Variants in ARHGAP19 observed in about 807,000 individuals in gnomAD.
ARHGAP19 encodes the protein rho GTPase-activating protein 19.
A neutral mutation model predicts 60.9 loss-of-function variants in ARHGAP19; 48 were observed. The observed-to-expected ratio is 0.79, with a 90% CI of 0.62 to 1.00. ARHGAP19 has a LOEUF of 1.00. Ranked by LOEUF, ARHGAP19 falls within the 50% of genes least tolerant of loss-of-function variation. The pLI, the probability that ARHGAP19 is intolerant of heterozygous loss-of-function variation, is 0.00. For missense variants in ARHGAP19, 562 were observed against 597.2 expected (o/e 0.94, Z 0.61); for synonymous variants, 209 against 215.5 (o/e 0.97, Z 0.27).
intron 1 of ARHGAP19, among the ~76,000 whole-genome samples, chr10:97,268,341 G>A (rs926868276): frequency 2.0e-5 from 3 of 152,108 alleles, no homozygotes; most frequent in African/African-American, 7.2e-5. Flanking sequence ...ACTTTCCCAC[G>A]TTTCCCTGTC....
chr10:97,290,035 G>A (rs1193384125), intron 1 of ARHGAP19, among the ~76,000 whole-genome samples: 1 of 151,382 alleles, frequency 6.6e-6, no homozygotes, highest in African/African-American at 2.4e-5. Context: ...TACAGTTCCC[G>A]GGCAAAAAAA....
At chr10:97,228,568 T>C (rs11189047) in intron 11 of ARHGAP19, among the ~76,000 whole-genome samples, 4,646 of 152,274 alleles carry the variant, frequency 0.031, 229 homozygotes, top group African/African-American at 0.1. Flanking sequence ...AATCTCACGG[T>C]CTTTCCATTG....
chr10:97,245,152 C>T (rs966891210), intron 7 of ARHGAP19, among the ~76,000 whole-genome samples: 6 of 151,796 alleles, frequency 4.0e-5, no homozygotes, highest in African/African-American at 9.7e-5. Context: ...ACTACAGGTA[C>T]GTGCCACCAC....
chr10:97,260,857 G>A (rs1322661692), intron 4 of ARHGAP19, among the ~76,000 whole-genome samples: 1 of 151,390 alleles, frequency 6.6e-6, no homozygotes, highest in East Asian at 1.9e-4. Context: ...ACTTTGGGAG[G>A]GCAAGGTGGG....
At chr10:97,273,131 C>T (rs570144631) in intron 1 of ARHGAP19, among the ~76,000 whole-genome samples, 6 of 152,200 alleles carry the variant, frequency 3.9e-5, no homozygotes, top group African/African-American at 9.6e-5. Flanking sequence ...TGAGCCACAG[C>T]GCCCAGCCTG....
At chr10:97,239,369 G>A (rs937274361) in intron 8 of ARHGAP19, among the ~76,000 whole-genome samples, 2 of 151,974 alleles carry the variant, frequency 1.3e-5, no homozygotes, top group East Asian at 1.9e-4. Context: ...GGTGGCACGC[G>A]CCTGTAGTCC....
intron 1 of ARHGAP19, among the ~76,000 whole-genome samples, chr10:97,271,715 CT>C (rs1400826475): frequency 1.3e-5 from 2 of 152,090 alleles, no homozygotes; most frequent in Non-Finnish European, 2.9e-5. Flanking sequence ...GAGTCTCACT[CT>C]TGTCACCCAG....
At chr10:97,236,313 G>T (rs1842377368) in intron 8 of ARHGAP19, among the ~76,000 whole-genome samples, 1 of 151,990 alleles carries the variant, frequency 6.6e-6, no homozygotes, top group Non-Finnish European at 1.5e-5. Flanking sequence ...TAAAATTTCG[G>T]AACTGTAAAA....
intron 1 of ARHGAP19, among the ~76,000 whole-genome samples, chr10:97,279,213 T>A (rs2134915960): frequency 6.6e-6 from 1 of 152,312 alleles, no homozygotes; most frequent in South Asian, 2.1e-4. Context: ...AAACAGGCCC[T>A]ACATGTCCAA....
rs12098344 is a variant in ARHGAP19, at chr10:97,244,182, G to A, written c.994-23C>T. The A allele has an allele frequency of 4.5e-3, 7,010 of 1,561,308 alleles. 253 individuals are homozygous for A. The African/African-American group carries it at 0.085, about 19-fold the overall frequency. On this transcript the variant is annotated intron_variant, in intron 7 of 11. Transcript: ENST00000358531. Reference sequence around the variant, plus strand: ...ATCCTAAGGAAAATTTAAAAGAAGAGTAAATTAATATATCCTGCCAACTTT... The same window carrying A: ...ATCCTAAGGAAAATTTAAAAGAAGAATAAATTAATATATCCTGCCAACTTT...
rs188335064 is a variant in ARHGAP19 at position 97,257,002 on chromosome 10, T to C, written c.841-598A>G. On this transcript the variant is annotated intron_variant, in intron 5 of 11. Coordinates refer to ENST00000358531, the MANE Select transcript of ARHGAP19 (RefSeq NM_032900.6). ...CGGGCGTGGTGGCGGGCGCCTGTAG[T>C]CCCAGCTACTCGGGAGGCTGAGGCA... Among the ~76,000 whole-genome samples, 1,097 of 152,136 alleles carry C rather than the reference T, an allele frequency of 7.2e-3. 43 individuals carry two copies. The highest frequency in any genetic ancestry group is 0.064 in the Admixed American group (977 of 15,246).
At chr10:97,267,575 A>C (rs941991285) in intron 1 of ARHGAP19, among the ~76,000 whole-genome samples, 9 of 152,100 alleles carry the variant, frequency 5.9e-5, no homozygotes, top group African/African-American at 1.9e-4. Context: ...GTTCTCCATG[A>C]GAGCTCCAAC....
intron 1 of ARHGAP19, among the ~76,000 whole-genome samples, chr10:97,287,881 G>A (rs1221689159): frequency 2.6e-5 from 4 of 152,202 alleles, no homozygotes; most frequent in East Asian, 1.9e-4. Flanking sequence ...TGACCAACAC[G>A]GAGAAACACT....
chr10:97,251,500 A>G (rs554129443), intron 6 of ARHGAP19, among the ~76,000 whole-genome samples: 2 of 132 alleles, frequency 0.015, no homozygotes, highest in Admixed American at 0.056. Flanking sequence ...AGGGGAAAGG[A>G]AGGGTAAGGG....
intron 6 of ARHGAP19, among the ~76,000 whole-genome samples, 173 bp from the exon 7 acceptor site, chr10:97,246,510 T>C (rs1842566149): frequency 6.6e-6 from 1 of 152,150 alleles, no homozygotes; most frequent in Non-Finnish European, 1.5e-5. Flanking sequence ...TGCCACCAAA[T>C]AGATACCTCA....
chr10:97,257,334 T>C (rs760333182), intron 5 of ARHGAP19, among the ~76,000 whole-genome samples: 8 of 151,122 alleles, frequency 5.3e-5, no homozygotes, highest in East Asian at 3.9e-4. Flanking sequence ...GTTACCCAGA[T>C]TGGAGTACAG....
intron 1 of ARHGAP19, among the ~76,000 whole-genome samples, chr10:97,288,535 C>T (rs1414113180): frequency 7.4e-5 from 11 of 149,078 alleles, no homozygotes; most frequent in Admixed American, 6.8e-4. Flanking sequence ...GAGCTGAGAT[C>T]GTGCCACTAC....
At chr10:97,253,395 A>AAAAAAAAGG (rs1842714190) in intron 6 of ARHGAP19, among the ~76,000 whole-genome samples, 3 of 151,532 alleles carry the variant, frequency 2.0e-5, no homozygotes, top group Non-Finnish European at 4.4e-5. Context: ...AAAAAAAAAA[A>AAAAAAAAGG]GTGCATCTCA....
intron 1 of ARHGAP19, among the ~76,000 whole-genome samples, chr10:97,268,307 C>T (rs946385388): frequency 7.2e-5 from 11 of 152,192 alleles, no homozygotes; most frequent in African/African-American, 2.7e-4. Flanking sequence ...CAAAGCTATT[C>T]AACAAGTCTC....
Sources: allele counts gnomAD v4.1 joint callset (sites outside exome capture counted in the v4.1 genomes callset), GRCh38; gene constraint gnomAD v4.1.1; transcripts MANE v1.5; gene names NCBI Gene and HGNC (gene_info 2026-07-23, HGNC 2026-07-21).